The following ARHGEF3 variants were observed in gnomAD, a reference collection of about 807,000 sequenced individuals.
ARHGEF3 encodes the protein Rho guanine nucleotide exchange factor 3.
A neutral mutation model predicts 63.2 loss-of-function variants in ARHGEF3; 28 were observed. That is an observed-to-expected ratio of 0.44 (90% CI 0.33 to 0.61). The LOEUF is 0.61. Ranked by LOEUF, ARHGEF3 falls within the 20% of genes least tolerant of loss-of-function variation. The pLI is 0.03. For missense variants in ARHGEF3, 533 were observed against 659.3 expected (o/e 0.81, Z 2.10); for synonymous variants, 266 against 254.2 (o/e 1.05, Z -0.44).
chr3:57,054,767 T>C (rs984490053), intron 1 of ARHGEF3, among the ~76,000 whole-genome samples: 1 of 151,474 alleles, frequency 6.6e-6, no homozygotes, highest in Non-Finnish European at 1.5e-5. Context: ...TCTCCTGCCT[T>C]AGCCTCCCGA....
intron 3 of ARHGEF3, among the ~76,000 whole-genome samples, chr3:56,900,701 G>A (rs9311629): frequency 0.35 from 53,024 of 152,124 alleles, 10,501 homozygotes; most frequent in East Asian, 0.61. Context: ...CTCCAGCTTT[G>A]TTACAATGTA....
At chr3:56,923,555 A>G (rs1017162676) in intron 3 of ARHGEF3, among the ~76,000 whole-genome samples, 2 of 152,170 alleles carry the variant, frequency 1.3e-5, no homozygotes, top group African/African-American at 4.8e-5. Flanking sequence ...CAATAGAGAA[A>G]AAAAATGAGA....
At chr3:56,768,683 AGAAG>A (rs2035845577) in intron 2 of ARHGEF3, among the ~76,000 whole-genome samples, 1 of 137,378 alleles carries the variant, frequency 7.3e-6, no homozygotes, top group Non-Finnish European at 1.5e-5. Flanking sequence ...AAAAAAAAAA[AGAAG>A]AAGATGACGA....
chr3:56,964,753 C>A (rs1413202447), intron 2 of ARHGEF3, among the ~76,000 whole-genome samples: 1 of 151,940 alleles, frequency 6.6e-6, no homozygotes, highest in Non-Finnish European at 1.5e-5. Flanking sequence ...AAAGACCTCC[C>A]AGAGAAAATG....
intron 8 of ARHGEF3, among the ~76,000 whole-genome samples, chr3:56,733,984 CAAAAAAAAA>C (rs777924213): frequency 3.6e-5 from 2 of 55,088 alleles, no homozygotes; most frequent in African/African-American, 6.8e-5. Flanking sequence ...AATTCTGTCT[CAAAAAAAAA>C]AAAAAAAAAA....
chr3:57,012,517 C>T, intron 2 of ARHGEF3, among the ~76,000 whole-genome samples: 1 of 152,184 alleles, frequency 6.6e-6, no homozygotes, highest in East Asian at 1.9e-4. Context: ...CCTTGGCCTC[C>T]CAAAGTGCTG....
chr3:56,735,945 A>G (rs184304429), intron 8 of ARHGEF3, among the ~76,000 whole-genome samples: 2 of 152,252 alleles, frequency 1.3e-5, no homozygotes, highest in East Asian at 3.9e-4. Context: ...GAACCCTTCA[A>G]TCTAGTTCTA....
At position 56,732,301 on chromosome 3, in the gene ARHGEF3, G is replaced by T; in HGVS notation, c.1165C>A (p.Leu389Ile). ...CCCAGCCTCACTTCTCCATCCTGGAGGTCTTCCAGCAGGAGGTCTTTCACG... is the reference window on the plus strand; with the variant it reads ...CCCAGCCTCACTTCTCCATCCTGGATGTCTTCCAGCAGGAGGTCTTTCACG... ...IPVKDLLLEDLQDGEVRLGGS... is the reference protein window; with the variant it reads ...IPVKDLLLEDIQDGEVRLGGS... The change falls in exon 9 of 10, where the codon CTC becomes ATC. Residue 389 changes from leucine (L) to isoleucine (I), a missense_variant. Around this residue, in one of 4 missense-constraint regions of ARHGEF3, gnomAD observed 151 missense variants for 190.7 expected, o/e 0.79. Transcript: ENST00000296315. 1 of 1,614,192 alleles carries T rather than the reference G, an allele frequency of 6.2e-7. No individual in the cohort carries two copies. The highest frequency in any genetic ancestry group is 8.5e-7 in the Non-Finnish European group (1 of 1,180,040).
At chr3:57,010,979 A>G (rs1051956946) in intron 2 of ARHGEF3, among the ~76,000 whole-genome samples, 1 of 152,250 alleles carries the variant, frequency 6.6e-6, no homozygotes, top group Non-Finnish European at 1.5e-5. Flanking sequence ...TGGCACAGGA[A>G]TCTCCAGGAG....
intron 7 of ARHGEF3, among the ~76,000 whole-genome samples, chr3:56,741,745 T>C (rs1323047667): frequency 1.3e-5 from 2 of 149,360 alleles, no homozygotes; most frequent in African/African-American, 5.0e-5. Flanking sequence ...CCTCTTGATC[T>C]GCCCGCCTTG....
At chr3:56,877,810 G>GT (rs1560014621) in intron 4 of ARHGEF3, among the ~76,000 whole-genome samples, 1 of 152,116 alleles carries the variant, frequency 6.6e-6, no homozygotes, top group Non-Finnish European at 1.5e-5. Flanking sequence ...CAAAGCAAAG[G>GT]TTTTTGCAAG....
intron 3 of ARHGEF3, among the ~76,000 whole-genome samples, chr3:56,951,116 C>G (rs1246727101): frequency 1.3e-5 from 2 of 151,736 alleles, no homozygotes; most frequent in Non-Finnish European, 2.9e-5. Context: ...ACATCACACA[C>G]CGGGGCCTGT....
chr3:57,064,100 C>T (rs1369051638), intron 1 of ARHGEF3, among the ~76,000 whole-genome samples: 4 of 152,110 alleles, frequency 2.6e-5, no homozygotes, highest in Admixed American at 1.3e-4. Context: ...AACCCTGTCT[C>T]TACCAAAAAT....
chr3:57,062,074 G>T (rs938828017), intron 1 of ARHGEF3, among the ~76,000 whole-genome samples: 1 of 152,092 alleles, frequency 6.6e-6, no homozygotes, highest in Non-Finnish European at 1.5e-5. Context: ...ATGCTCCACT[G>T]GATTGGATCT....
At chr3:56,829,937 T>C (rs1034912394) in intron 4 of ARHGEF3, among the ~76,000 whole-genome samples, 4 of 152,158 alleles carry the variant, frequency 2.6e-5, no homozygotes, top group African/African-American at 9.7e-5. Flanking sequence ...CCCCAAATAA[T>C]AGCAACAGAC....
chr3:56,842,234 G>A (rs922113743), intron 4 of ARHGEF3, among the ~76,000 whole-genome samples: 3 of 152,102 alleles, frequency 2.0e-5, no homozygotes, highest in Non-Finnish European at 1.5e-5. Flanking sequence ...ATTGTAAGAT[G>A]CATGTGTATA....
chr3:57,066,712 A>G lies in ARHGEF3; in HGVS notation c.-28+12514T>C, dbSNP rs551944372. Among the ~76,000 whole-genome samples, 123 of 152,328 alleles carry G rather than the reference A, an allele frequency of 8.1e-4. 1 individual carries two copies. Among genetic ancestry groups the G allele is most frequent in the African/African-American group, 2.6e-3 (107 of 41,572 alleles). ...TCTGTGAAGGTATTTTTTAGATGAGATTAACATTTAAATCAGTGGACTTAG... is the reference window on the plus strand; with the variant it reads ...TCTGTGAAGGTATTTTTTAGATGAGGTTAACATTTAAATCAGTGGACTTAG... On this transcript the variant is annotated intron_variant, in intron 1 of 12. Coordinates refer to the ARHGEF3 transcript ENST00000338458.
At chr3:56,881,392 C>T (rs983241800) in intron 4 of ARHGEF3, among the ~76,000 whole-genome samples, 3 of 152,162 alleles carry the variant, frequency 2.0e-5, no homozygotes, top group Admixed American at 2.0e-4. Flanking sequence ...AGATGATGAA[C>T]TGACAAGGGG....
intron 1 of ARHGEF3, among the ~76,000 whole-genome samples, chr3:57,042,685 TATATATATATA>T (rs1326284652): frequency 0.018 from 628 of 35,330 alleles, 61 homozygotes; most frequent in African/African-American, 0.069. Flanking sequence ...TATATATATA[TATATATATATA>T]TATATTTTTT....
Sources: allele counts gnomAD v4.1 joint callset (sites outside exome capture counted in the v4.1 genomes callset), GRCh38; gene constraint gnomAD v4.1.1; regional missense constraint gnomAD v4.1.1; transcripts MANE v1.5; gene names NCBI Gene and HGNC (gene_info 2026-07-23, HGNC 2026-07-21).